Variants in PSG4 observed in about 807,000 individuals in gnomAD.
The protein encoded by PSG4 is pregnancy-specific beta-1-glycoprotein 4.
A neutral mutation model predicts 44.3 loss-of-function variants in PSG4; 61 were observed. That is an observed-to-expected ratio of 1.38 (90% CI 1.12 to 1.70). The LOEUF (loss-of-function observed/expected upper bound fraction) is 1.70, where lower values mean the gene tolerates loss of function less well. Among genes scored for constraint, PSG4 ranks in the 40% most tolerant of loss-of-function variants. The probability of loss-of-function intolerance (pLI) is 0.00; values close to 1 mark genes in which losing one functional copy is unlikely to be tolerated. For missense variants in PSG4, 677 were observed against 511.7 expected (o/e 1.32, Z -3.12); for synonymous variants, 248 against 191.3 (o/e 1.30, Z -2.45).
chr19:43,204,300 G>C, intron 1 of PSG4, 49 bp from the exon 2 acceptor site: 1 of 1,502,210 alleles, frequency 6.7e-7, no homozygotes, highest in Non-Finnish European at 8.9e-7. Context: ...ATGTATTGGG[G>C]TGAAAAGATG....
chr19:43,205,208 C>G (rs1263320877), intron 1 of PSG4, among the ~76,000 whole-genome samples: 4 of 134,438 alleles, frequency 3.0e-5, no homozygotes, highest in Admixed American at 2.3e-4. Context: ...CGTGGGTGCA[C>G]GTGATTCTCC....
Position 43,204,272 on chromosome 19 carries a change from C to T in PSG4, c.65-21G>A, listed in dbSNP as rs774611755. The T allele has an allele frequency of 5.8e-6, 9 of 1,550,544 alleles. 1 individual carries two copies. In the Admixed American group the frequency reaches 1.6e-4, roughly 28 times the overall value. The stretch of plus-strand genomic sequence containing the variant: ...TGATGCTAGGAGGTACAGAGAGCAT[C>T]AGTTAATATTGAGACCTATGTATTG... On this transcript the variant is annotated intron_variant, in intron 1 of 5. Transcript: ENST00000405312.
intron 4 of PSG4, 123 bp downstream of exon 4, chr19:43,194,872 C>A (rs1967167127): frequency 6.5e-6 from 10 of 1,531,042 alleles, no homozygotes; most frequent in Non-Finnish European, 8.8e-6. Context: ...GAGTCATGGC[C>A]ACCTCGGATG....
chr19:43,204,894 T>A lies in PSG4; in HGVS notation c.64+579A>T. 2 of 383,888 alleles carry A rather than the reference T, an allele frequency of 5.2e-6. 1 individual carries two copies. The highest frequency in any genetic ancestry group is 4.1e-5 in the South Asian group (2 of 49,296). The allele number at this position is 383,888 out of a possible 1,614,324, so 23.8% of individuals were successfully genotyped here. ...TTTCATGTCCTGCTTATATTTTCATTTGAAGTGTCATCTGATATAGTTATT... is the reference window on the plus strand; with the variant it reads ...TTTCATGTCCTGCTTATATTTTCATATGAAGTGTCATCTGATATAGTTATT... On this transcript the variant is annotated intron_variant, in intron 1 of 5. Transcript: ENST00000405312.
At chr19:43,202,723 G>C (rs1412257218) in intron 2 of PSG4, among the ~76,000 whole-genome samples, 2 of 144,886 alleles carry the variant, frequency 1.4e-5, no homozygotes, top group Non-Finnish European at 3.0e-5. Context: ...CATATTTTTT[G>C]CACTGACTCT....
At chr19:43,200,405 A>T (rs1269315500) in intron 2 of PSG4, among the ~76,000 whole-genome samples, 1 of 144,320 alleles carries the variant, frequency 6.9e-6, no homozygotes, top group African/African-American at 2.7e-5. Flanking sequence ...TATTGTCAAA[A>T]AAAATATTAA....
intron 3 of PSG4, among the ~76,000 whole-genome samples, chr19:43,197,086 C>G (rs3859477): frequency 0.27 from 39,296 of 143,564 alleles, 8,753 homozygotes; most frequent in East Asian, 0.85. Context: ...TATTTTATTC[C>G]TTTTGATGTT....
chr19:43,194,679 C>T, intron 4 of PSG4, 85 bp from the exon 5 acceptor site: 2 of 1,528,836 alleles, frequency 1.3e-6, no homozygotes, highest in Non-Finnish European at 1.8e-6. Flanking sequence ...CAGTTACCCT[C>T]TAAGCCAAGA....
chr19:43,203,088 A>G lies in PSG4; in HGVS notation c.430+798T>C, dbSNP rs1317953750. ...AAATGATTCACAGTCACCTGACCTA[A>G]TGCTTGGCACAGTGGAGGTTTCACA... On this transcript the variant is annotated intron_variant, in intron 2 of 5. Coordinates refer to ENST00000405312, the MANE Select transcript of PSG4 (RefSeq NM_002780.5). 2 of 145,950 alleles carry G rather than the reference A, an allele frequency of 1.4e-5. 1 individual carries two copies. Among genetic ancestry groups the G allele is most frequent in the African/African-American group, 5.3e-5 (2 of 37,966 alleles). The allele number at this position is 145,950 out of a possible 1,614,324, so 9.0% of individuals were successfully genotyped here.
Position 43,193,076 on chromosome 19 carries a change from C to A in PSG4, c.*296G>T. On this transcript the variant is annotated 3_prime_UTR_variant, in exon 6 of 6. Transcript: ENST00000405312. ...TGAAAGAGGCAGGCATGAGCAAGGA[C>A]GGTTAAGAGGGGTGGGAGCCTTATC... 1.7e-6 allele frequency: 1 copy of A among 605,066 alleles called. No individual in the cohort carries two copies. The highest frequency in any genetic ancestry group is 4.4e-4 in the Middle Eastern group (1 of 2,288). 37.5% of individuals were successfully genotyped at this position (605,066 alleles called of 1,614,324 possible).
chr19:43,197,667 C>T (rs941990364), intron 3 of PSG4: 4 of 406,998 alleles, frequency 9.8e-6, no homozygotes, highest in Non-Finnish European at 1.7e-5. Context: ...TGTGGAAGGG[C>T]CACAGTGACC....
At position 43,194,427 on chromosome 19, in the gene PSG4, T is replaced by A. The variant is rs1313642020; in HGVS notation, c.1156A>T (p.Thr386Ser). Reference sequence around the variant, plus strand: ...CAAGCATAGAGCCCACTATGCTTTGTAGTTATTTGGGGGATAGAGAGCTTT... The same window carrying A: ...CAAGCATAGAGCCCACTATGCTTTGAAGTTATTTGGGGGATAGAGAGCTTT... ...GQKLSIPQIT[T>S]KHSGLYACSV... Residue 386 changes from threonine (T) to serine (S), a missense_variant, in exon 5 of 6, where the codon ACA becomes TCA. By Grantham distance (58) the Thr-to-Ser change is moderately conservative. Transcript: ENST00000405312. 11 of 1,612,408 alleles carry A rather than the reference T, an allele frequency of 6.8e-6. No homozygotes were observed. In the East Asian group the frequency reaches 1.8e-4, roughly 26 times the overall value.
At position 43,195,879 on chromosome 19, in the gene PSG4, T is replaced by G. The variant is rs535624289; in HGVS notation, c.710-606A>C. ...AGAAAGTGGGGCAGTGTTTTGCAGG[T>G]GTTTCATGATGACTTACTTGAACCA... On this transcript the variant is annotated intron_variant, in intron 3 of 5. Transcript: ENST00000405312. Among the ~76,000 whole-genome samples the G allele has an allele frequency of 4.8e-3, 714 of 150,214 alleles. 28 individuals carry two copies. The highest frequency in any genetic ancestry group is 0.017 in the Middle Eastern group (5 of 292).
chr19:43,205,225 A>G (rs1967726835), intron 1 of PSG4, among the ~76,000 whole-genome samples: 1 of 137,574 alleles, frequency 7.3e-6, no homozygotes, highest in Non-Finnish European at 1.5e-5. Context: ...CTCCTGCCAC[A>G]GCCTCCTGAG....
chr19:43,199,211 C>G (rs2122331650), intron 2 of PSG4, among the ~76,000 whole-genome samples: 1 of 145,740 alleles, frequency 6.9e-6, no homozygotes, highest in South Asian at 2.1e-4. Context: ...TACTTTCTCT[C>G]ATTAGACATT....
At position 43,192,754 on chromosome 19, in the gene PSG4, T is replaced by A. The variant is rs1441002182; in HGVS notation, c.*618A>T. On this transcript the variant is annotated 3_prime_UTR_variant, in exon 6 of 6. Transcript: ENST00000405312. Reference sequence around the variant, plus strand: ...TGCTAGAATCAGTATTACTGTCACGTTTTACACTGTATCTCTTAGGAAATG... The same window carrying A: ...TGCTAGAATCAGTATTACTGTCACGATTTACACTGTATCTCTTAGGAAATG... 2 of 175,032 alleles carry A rather than the reference T, an allele frequency of 1.1e-5. No individual in the cohort carries two copies. Among genetic ancestry groups the A allele is most frequent in the Non-Finnish European group, 2.5e-5 (2 of 81,374 alleles). 10.8% of individuals were successfully genotyped at this position (175,032 alleles called of 1,614,324 possible). A position where few individuals can be genotyped will look rare whatever the true frequency, so the allele number is the denominator to read the frequency against.
At chr19:43,199,261 A>C (rs1211980258) in intron 2 of PSG4, among the ~76,000 whole-genome samples, 6 of 144,856 alleles carry the variant, frequency 4.1e-5, no homozygotes, top group Non-Finnish European at 8.9e-5. Context: ...TATGTACCTC[A>C]TATAAGTGGA....
Position 43,193,361 on chromosome 19 carries a change from A to C in PSG4, c.*11T>G, listed in dbSNP as rs1463769745. On this transcript the variant is annotated 3_prime_UTR_variant, in exon 6 of 6. Transcript: ENST00000405312. ...CATGGGAGAAAATGGAATTGGAGGA[A>C]CTAGTAGAATTCAGGGTAATATCCA... The C allele has an allele frequency of 1.5e-5, 12 of 774,978 alleles. No homozygotes were observed. In the Admixed American group the frequency reaches 1.7e-4, roughly 11 times the overall value. 48.0% of individuals were successfully genotyped at this position (774,978 alleles called of 1,614,324 possible).
chr19:43,201,882 G>A (rs1180711995), intron 2 of PSG4, among the ~76,000 whole-genome samples: 1 of 144,464 alleles, frequency 6.9e-6, no homozygotes, highest in Admixed American at 6.9e-5. Context: ...ATGAGTGGAT[G>A]GAGGAACTGC....
Sources: gnomAD v4.1 joint callset for allele counts (sites outside exome capture counted in the v4.1 genomes callset) on GRCh38, gnomAD v4.1.1 for gene constraint, MANE v1.5 for transcripts, NCBI Gene and HGNC (gene_info 2026-07-23, HGNC 2026-07-21) for gene names.